Variants in PHYHD1 observed in about 807,000 individuals in gnomAD.
PHYHD1 encodes phytanoyl-CoA dioxygenase domain-containing protein 1.
A neutral mutation model predicts 43.6 loss-of-function variants in PHYHD1; 42 were observed. That is an observed-to-expected ratio of 0.96 (90% CI 0.75 to 1.25). The LOEUF is 1.25. Among genes scored for constraint, PHYHD1 ranks in the 50% most tolerant of loss-of-function variants. The pLI is 0.00. For synonymous variants in PHYHD1, 139 were observed against 143.6 expected (o/e 0.97, Z 0.23); for missense variants, 342 against 370.8 (o/e 0.92, Z 0.64).
chr9:128,925,261 G>C (rs1246755043), intron 3 of PHYHD1, among the ~76,000 whole-genome samples: 1 of 148,698 alleles, frequency 6.7e-6, no homozygotes, highest in African/African-American at 2.5e-5. Flanking sequence ...AGTCTTGCTT[G>C]GTCTTCTAGG....
chr9:128,927,021 C>T lies in PHYHD1; in HGVS notation c.34-17C>T. On this transcript the variant is annotated splice_polypyrimidine_tract_variant and intron_variant, in intron 3 of 12. Transcript: ENST00000372592. ...ATTTGCAGACTGGGGAAGCCTGAGT[C>T]TCAAGCCTGCCTGCAGTTCCAACAG... 1 of 1,614,108 alleles carries T rather than the reference C, an allele frequency of 6.2e-7. No individual in the cohort carries two copies. The highest frequency in any genetic ancestry group is 8.5e-7 in the Non-Finnish European group (1 of 1,179,990).
intron 9 of PHYHD1, among the ~76,000 whole-genome samples, chr9:128,939,256 G>A (rs1841496229): frequency 7.8e-6 from 1 of 128,330 alleles, no homozygotes; most frequent in African/African-American, 2.6e-5. Flanking sequence ...TCCTAACTGT[G>A]CCCCAGCATC....
intron 4 of PHYHD1, among the ~76,000 whole-genome samples, chr9:128,933,217 A>C (rs1374426141): frequency 1.4e-5 from 2 of 141,298 alleles, no homozygotes; most frequent in Non-Finnish European, 3.0e-5. Flanking sequence ...TGCATAGTGC[A>C]ATCTCGGCTC....
rs762864425 is a variant in PHYHD1, at chr9:128,927,080, G to A, written c.76G>A (p.Ala26Thr). 36 of 1,614,156 alleles carry A rather than the reference G, an allele frequency of 2.2e-5. No homozygotes were observed. Among genetic ancestry groups the A allele is most frequent in the Middle Eastern group, 1.6e-4 (1 of 6,062 alleles). Residue 26 changes from alanine (A) to threonine (T), a missense_variant, in exon 4 of 13, where the codon GCG (alanine) becomes ACG (threonine). Transcript: ENST00000372592. ...GFLVLEGFLS[A>T]EECVAMQQRI... ...CCTGGTGCTGGAAGGATTCTTGTCT[G>A]CGGAAGAGTGTGTGGCCATGCAACA... is the stretch of plus-strand genomic sequence containing the variant.
At chr9:128,927,312 C>A in intron 4 of PHYHD1, 116 bp downstream of exon 4, 1 of 1,213,012 alleles carries the variant, frequency 8.2e-7, no homozygotes, top group Non-Finnish European at 1.2e-6. Flanking sequence ...CAGGCCAAGC[C>A]CCTTACACAC....
At chr9:128,930,449 A>T (rs1841241451) in intron 4 of PHYHD1, among the ~76,000 whole-genome samples, 1 of 148,290 alleles carries the variant, frequency 6.7e-6, no homozygotes, top group African/African-American at 2.5e-5. Flanking sequence ...TGTCTTTTTA[A>T]AAAAAAAAAA....
intron 12 of PHYHD1, 32 bp from the exon 13 acceptor site, chr9:128,941,636 C>A (rs1371724156): frequency 6.2e-7 from 1 of 1,614,176 alleles, no homozygotes; most frequent in South Asian, 1.1e-5. Context: ...TGACCCTGCA[C>A]CTCAAGGTTG....
In PHYHD1 at chr9:128,933,179, G is replaced by C. The variant is rs933828039; in HGVS notation, c.193-603G>C. On this transcript the variant is annotated intron_variant, in intron 4 of 12. Coordinates refer to ENST00000372592, the MANE Select transcript of PHYHD1 (RefSeq NM_001100876.2). ...TTTTTTTTTTTTTTTTTTTGAGACAGAGTCTCACTCTGTCGCCCAGGCTGG... is the reference window on the plus strand; with the variant it reads ...TTTTTTTTTTTTTTTTTTTGAGACACAGTCTCACTCTGTCGCCCAGGCTGG... Among the ~76,000 whole-genome samples the C allele has an allele frequency of 1.2e-4, 14 of 117,568 alleles. No homozygotes were observed. In the Admixed American group the frequency reaches 1.3e-3, roughly 11 times the overall value. The allele number at this position is 117,568 out of a possible 152,430, so 77.1% of individuals were successfully genotyped here.
At chr9:128,930,671 C>T (rs1160980631) in intron 4 of PHYHD1, among the ~76,000 whole-genome samples, 8 of 151,552 alleles carry the variant, frequency 5.3e-5, no homozygotes, top group African/African-American at 9.7e-5. Flanking sequence ...GCACCTCGGC[C>T]GGGTGCAGTG....
intron 9 of PHYHD1, among the ~76,000 whole-genome samples, chr9:128,939,766 T>C (rs1395472689): frequency 8.4e-6 from 1 of 119,690 alleles, no homozygotes; most frequent in Non-Finnish European, 1.9e-5. Flanking sequence ...GCAATTCTTC[T>C]GTCTCAGCCT....
intron 4 of PHYHD1, among the ~76,000 whole-genome samples, chr9:128,928,154 G>A (rs185034911): frequency 6.6e-6 from 1 of 152,324 alleles, no homozygotes; most frequent in East Asian, 1.9e-4. Context: ...GCCATCCCAG[G>A]GAATGGGAAG....
In PHYHD1 at chr9:128,933,978, G is replaced by C. The variant is rs1841362535; in HGVS notation, c.269-33G>C. On this transcript the variant is annotated intron_variant, in intron 5 of 12. Coordinates refer to ENST00000372592, the MANE Select transcript of PHYHD1 (RefSeq NM_001100876.2). ...GCTGCCCATGGAAGGCTGGACACCA[G>C]TTCTCTGCCTTTATCTGTTCTTTGT... 3.1e-6 allele frequency: 5 copies of C among 1,613,004 alleles called. No homozygotes were observed. The African/African-American group carries it at 4.0e-5, about 13-fold the overall frequency.
intron 11 of PHYHD1, 98 bp from the exon 12 acceptor site, chr9:128,941,347 A>T (rs1255527170): frequency 2.0e-6 from 3 of 1,516,814 alleles, no homozygotes; most frequent in Non-Finnish European, 2.7e-6. Context: ...GATGGGGGCC[A>T]CAAAACCACT....
At chr9:128,927,343 G>C in intron 4 of PHYHD1, 147 bp downstream of exon 4, 1 of 919,826 alleles carries the variant, frequency 1.1e-6, no homozygotes, top group Non-Finnish European at 1.6e-6. Context: ...CTCCTCACTG[G>C]GAAGTTATCA....
chr9:128,941,396 G>T (rs749737582), intron 11 of PHYHD1, 49 bp from the exon 12 acceptor site: 2 of 1,601,808 alleles, frequency 1.2e-6, no homozygotes, highest in Admixed American at 1.7e-5. Context: ...GCTCTGGGGA[G>T]GGGGGATGTG....
intron 8 of PHYHD1, among the ~76,000 whole-genome samples, 197 bp downstream of exon 8, chr9:128,936,842 T>A (rs537576566): frequency 6.6e-6 from 1 of 152,016 alleles, no homozygotes; most frequent in Non-Finnish European, 1.5e-5. Context: ...GGGCCGGGCG[T>A]GGTGGCTCAT....
Position 128,927,153 on chromosome 9 carries a change from G to A in PHYHD1, c.149G>A (p.Arg50His), listed in dbSNP as rs896178420. Reference protein sequence around the residue: ...VAEMDVPLHCRTEFSTQEEEQ... With the variant: ...VAEMDVPLHCHTEFSTQEEEQ... ...GAAATGGATGTTCCTCTCCACTGCC[G>A]CACAGAATTCTCCACCCAGGAAGAG... Residue 50 changes from arginine to histidine, a missense_variant, in exon 4 of 13, where the codon CGC (arginine) becomes CAC (histidine). Physicochemically the swap from Arg to His is conservative, Grantham distance 29 (BLOSUM62 0). Coordinates refer to ENST00000372592, the MANE Select transcript of PHYHD1 (RefSeq NM_001100876.2). 2.5e-6 allele frequency: 4 copies of A among 1,613,948 alleles called. No individual in the cohort carries two copies. The highest frequency in any genetic ancestry group is 1.3e-5 in the African/African-American group (1 of 74,894).
chr9:128,933,842 G>T lies in PHYHD1; in HGVS notation c.253G>T (p.Val85Phe). 1 of 1,614,108 alleles carries T rather than the reference G, an allele frequency of 6.2e-7. No homozygotes were observed. The highest frequency in any genetic ancestry group is 1.1e-5 in the South Asian group (1 of 91,082). ...GATTCGATTCTTCTTTGAGAAAGGC[G>T]TTTTTGATGAGAAAGGTTTGGAGCT... ...DKIRFFFEKG[V>F]FDEKGNFLVP... Residue 85 changes from valine (V) to phenylalanine (F), a missense_variant, in exon 5 of 13, where the codon GTT becomes TTT. By Grantham distance (50) the Val-to-Phe change is conservative (BLOSUM62 -1). Transcript: ENST00000372592.
chr9:128,938,001 C>A, intron 9 of PHYHD1: 11 of 1,406,250 alleles, frequency 7.8e-6, no homozygotes, highest in Non-Finnish European at 1.0e-5. Context: ...GCAACCCCAG[C>A]TGGTTAAAAA....
Sources: gnomAD v4.1 joint callset for allele counts (sites outside exome capture counted in the v4.1 genomes callset) on GRCh38, gnomAD v4.1.1 for gene constraint, MANE v1.5 for transcripts, NCBI Gene and HGNC (gene_info 2026-07-23, HGNC 2026-07-21) for gene names.